Variants in CYFIP1 observed in about 807,000 individuals in gnomAD.
CYFIP1 encodes cytoplasmic FMR1 interacting protein 1.
Under a neutral mutation model 163.5 loss-of-function variants are expected in CYFIP1, and 58 were observed. The ratio of observed to expected loss-of-function variants is 0.35; its 90% CI spans 0.29 to 0.44. CYFIP1 has a LOEUF of 0.44. CYFIP1 is among the 20% of genes least tolerant of loss of function. The pLI is 1.00. For missense variants in CYFIP1, 1,338 were observed against 1,653.8 expected, an observed-to-expected ratio of 0.81 and a Z score of 3.31; for synonymous variants, 663 against 660.7, an observed-to-expected ratio of 1.00 and a Z score of -0.05.
intron 1 of CYFIP1, among the ~76,000 whole-genome samples, chr15:22,977,558 C>T (rs748045350): frequency 6.6e-5 from 10 of 152,018 alleles, no homozygotes; most frequent in South Asian, 4.2e-4. Flanking sequence ...TGGGTGGGCG[C>T]GGTGGTTCAC....
intron 1 of CYFIP1, among the ~76,000 whole-genome samples, chr15:22,965,327 C>T (rs1323717319): frequency 3.3e-5 from 5 of 152,162 alleles, no homozygotes; most frequent in Admixed American, 1.3e-4. Flanking sequence ...GGTGTGGTGG[C>T]GTACGCCTGT....
At chr15:22,879,859 G>C (rs2059700656) in intron 26 of CYFIP1, 54 bp downstream of exon 26, 1 of 1,330,250 alleles carries the variant, frequency 7.5e-7, no homozygotes, top group Non-Finnish European at 1.0e-6. Context: ...CTGGCCGGTG[G>C]GGTGGGGTGG....
At chr15:22,951,629 C>A in intron 1 of CYFIP1, 1 of 1,149,060 alleles carries the variant, frequency 8.7e-7, no homozygotes. Context: ...CCAGTCATGC[C>A]CGGGCCCCAC....
intron 12 of CYFIP1, among the ~76,000 whole-genome samples, chr15:22,927,040 G>GA (rs534579721): frequency 2.0e-4 from 30 of 152,154 alleles, no homozygotes; most frequent in African/African-American, 6.7e-4. Flanking sequence ...AAATTTAAAT[G>GA]AAAAAATGAG....
intron 24 of CYFIP1, 60 bp downstream of exon 24, chr15:22,882,808 G>A: frequency 6.4e-7 from 1 of 1,574,404 alleles, no homozygotes; most frequent in Non-Finnish European, 8.7e-7. Flanking sequence ...AAGACCCTCT[G>A]GCATGGGTGC....
intron 25 of CYFIP1, among the ~76,000 whole-genome samples, 168 bp from the exon 26 acceptor site, chr15:22,880,211 T>A (rs960610020): frequency 6.6e-6 from 1 of 152,180 alleles, no homozygotes; most frequent in Admixed American, 6.5e-5. Context: ...GGTGGTTTAT[T>A]CGCCACCTGG....
chr15:22,901,632 G>A (rs141731299), intron 22 of CYFIP1, among the ~76,000 whole-genome samples: 4 of 152,294 alleles, frequency 2.6e-5, no homozygotes, highest in Admixed American at 6.5e-5. Flanking sequence ...AATTCCAGTC[G>A]CAGACCACCT....
chr15:22,946,808 G>C lies in CYFIP1; in HGVS notation c.207+195C>G, dbSNP rs1459103361. 4 of 704,088 alleles carry C rather than the reference G, an allele frequency of 5.7e-6. No individual in the cohort carries two copies. In the Admixed American group the frequency reaches 8.1e-5, roughly 14 times the overall value. The allele number at this position is 704,088 out of a possible 1,614,324, so 43.6% of individuals were successfully genotyped here. Reference sequence around the variant, plus strand: ...AGGTTTTCTCTGGGCCAGAGACATTGAATTTTCAGAACCAGCATGTATTGT... The same window carrying C: ...AGGTTTTCTCTGGGCCAGAGACATTCAATTTTCAGAACCAGCATGTATTGT... On this transcript the variant is annotated intron_variant, in intron 3 of 30. Transcript: ENST00000617928.
At chr15:22,963,495 ATAAC>A (rs1418212646) in intron 1 of CYFIP1, among the ~76,000 whole-genome samples, 1 of 15,402 alleles carries the variant, frequency 6.5e-5, no homozygotes, top group African/African-American at 2.3e-4. Context: ...TGTTTCAAAA[ATAAC>A]ATAACATAAC....
chr15:22,944,541 A>T lies in CYFIP1; in HGVS notation c.387+17T>A. 3 of 1,540,218 alleles carry T rather than the reference A, an allele frequency of 1.9e-6. No homozygotes were observed. The highest frequency in any genetic ancestry group is 2.7e-6 in the Non-Finnish European group (3 of 1,114,842). ...CCCCTCGGTGTTACACCCCCCCCAGATTATTTGCCATTTTACCTGGAAGTA... is the reference window on the plus strand; with the variant it reads ...CCCCTCGGTGTTACACCCCCCCCAGTTTATTTGCCATTTTACCTGGAAGTA... On this transcript the variant is annotated intron_variant, in intron 5 of 30. Transcript: ENST00000617928.
intron 1 of CYFIP1, among the ~76,000 whole-genome samples, chr15:22,951,836 C>A (rs987797609): frequency 6.6e-6 from 1 of 152,154 alleles, no homozygotes; most frequent in South Asian, 2.1e-4. Flanking sequence ...GAGAACTGCT[C>A]GTGCGTCAGC....
At chr15:22,923,012 A>G (rs1206507763) in intron 13 of CYFIP1, among the ~76,000 whole-genome samples, 3 of 151,368 alleles carry the variant, frequency 2.0e-5, no homozygotes, top group Non-Finnish European at 4.4e-5. Context: ...AAAAAAAAAG[A>G]CTTTTAGAAG....
chr15:22,908,518 CTTTTTTTTTTTTT>C (rs58565266), intron 21 of CYFIP1, among the ~76,000 whole-genome samples: 3 of 75,480 alleles, frequency 4.0e-5, no homozygotes, highest in Admixed American at 3.5e-4. Context: ...GAAGATATTT[CTTTTTTTTTTTTT>C]TTTTTTTTTT....
chr15:22,925,287 G>A lies in CYFIP1; in HGVS notation c.1359+695C>T, dbSNP rs138556221. Reference sequence around the variant, plus strand: ...AAGGAAGTCTAGGAGACAGAAAGACGTGCTTTCTCATACACGGTAGATGAC... The same window carrying A: ...AAGGAAGTCTAGGAGACAGAAAGACATGCTTTCTCATACACGGTAGATGAC... On this transcript the variant is annotated intron_variant, in intron 13 of 30. Coordinates refer to ENST00000617928, the MANE Select transcript of CYFIP1 (RefSeq NM_014608.6). 4.7e-4 allele frequency among the ~76,000 whole-genome samples: 71 copies of A among 152,258 alleles called. 1 individual carries two copies. The highest frequency in any genetic ancestry group is 1.6e-3 in the African/African-American group (68 of 41,552).
At chr15:22,936,284 C>T (rs1301651835) in intron 9 of CYFIP1, among the ~76,000 whole-genome samples, 1 of 152,032 alleles carries the variant, frequency 6.6e-6, no homozygotes, top group African/African-American at 2.4e-5. Context: ...TTGTGTCCAA[C>T]AAAGGACATG....
At chr15:22,922,978 C>G (rs904778729) in intron 13 of CYFIP1, among the ~76,000 whole-genome samples, 1 of 146,990 alleles carries the variant, frequency 6.8e-6, no homozygotes, top group African/African-American at 2.5e-5. Context: ...GGTGACAGAG[C>G]AAGACTCTGT....
At chr15:22,937,843 G>A (rs2061765203) in intron 8 of CYFIP1, among the ~76,000 whole-genome samples, 1 of 152,032 alleles carries the variant, frequency 6.6e-6, no homozygotes, top group Non-Finnish European at 1.5e-5. Context: ...GACCTCAAGT[G>A]ATCCACCCAC....
chr15:22,910,445 C>A (rs1165631237), intron 20 of CYFIP1, 75 bp downstream of exon 20: 3 of 1,261,786 alleles, frequency 2.4e-6, no homozygotes, highest in Non-Finnish European at 3.4e-6. Context: ...CAGGCGTGAG[C>A]CACCGCACCC....
intron 24 of CYFIP1, among the ~76,000 whole-genome samples, chr15:22,882,394 G>A (rs1394648019): frequency 6.6e-6 from 1 of 152,258 alleles, no homozygotes; most frequent in Non-Finnish European, 1.5e-5. Context: ...GGAAGGACCT[G>A]TTTGGGTCAC....
Sources: gnomAD v4.1 joint callset for allele counts (sites outside exome capture counted in the v4.1 genomes callset) on GRCh38, gnomAD v4.1.1 for gene constraint, MANE v1.5 for transcripts, NCBI Gene and HGNC (gene_info 2026-07-23, HGNC 2026-07-21) for gene names.